Variants in LIMCH1 observed in about 807,000 individuals in gnomAD.
LIMCH1 encodes LIM and calponin homology domains-containing protein 1.
In LIMCH1, 113 loss-of-function variants were observed where a neutral mutation model predicts 176.5. The observed-to-expected ratio is 0.64, with a 90% CI of 0.55 to 0.75. The LOEUF (loss-of-function observed/expected upper bound fraction) is 0.75. LIMCH1 is among the 30% of genes least tolerant of loss of function. The pLI, the probability that LIMCH1 is intolerant of heterozygous loss-of-function variation, is 0.00. For synonymous variants in LIMCH1, 619 were observed against 645.9 expected (o/e 0.96, Z 0.63); for missense variants, 1,674 against 1,814.9 (o/e 0.92, Z 1.41).
At chr4:41,472,166 T>C (rs943230956) in intron 1 of LIMCH1, among the ~76,000 whole-genome samples, 2 of 152,240 alleles carry the variant, frequency 1.3e-5, no homozygotes, top group African/African-American at 4.8e-5. Flanking sequence ...TTTGCTTAAA[T>C]ATTAGCTCTT....
intron 1 of LIMCH1, among the ~76,000 whole-genome samples, chr4:41,393,561 T>G (rs974047926): frequency 1.3e-5 from 2 of 152,226 alleles, no homozygotes; most frequent in Non-Finnish European, 2.9e-5. Flanking sequence ...GTATAGCTAG[T>G]TAGTCCCATG....
intron 1 of LIMCH1, among the ~76,000 whole-genome samples, chr4:41,404,520 G>A (rs1320697611): frequency 1.3e-5 from 2 of 152,116 alleles, no homozygotes; most frequent in African/African-American, 2.4e-5. Context: ...GCTCACGCTT[G>A]TAATCCTAGC....
At chr4:41,508,088 T>TG (rs1165290257) in intron 2 of LIMCH1, among the ~76,000 whole-genome samples, 7 of 152,114 alleles carry the variant, frequency 4.6e-5, no homozygotes, top group Non-Finnish European at 7.4e-5. Context: ...CTCTGTGTCT[T>TG]GGAGGAATTG....
Position 41,632,821 on chromosome 4 carries a change from AGAGTGG to A in LIMCH1, c.1676_1681del (p.Glu559_Trp560del). On this transcript the variant is annotated inframe_deletion, in exon 11 of 32. Transcript: ENST00000503057. ...TGGCTCCTGTGCCGGAGTCTCAGGA[AGAGTGG>A]GTCTGCAGTTTGGGCGAGTGCCCGA... 1 of 1,536,234 alleles carries A rather than the reference AGAGTGG, an allele frequency of 6.5e-7. No homozygotes were observed. The highest frequency in any genetic ancestry group is 8.7e-7 in the Non-Finnish European group (1 of 1,146,902).
intron 18 of LIMCH1, 30 bp from the exon 19 acceptor site, chr4:41,661,390 A>T: frequency 6.8e-7 from 1 of 1,473,302 alleles, no homozygotes; most frequent in Non-Finnish European, 9.4e-7. Flanking sequence ...GGAATCATTT[A>T]TTCAAGGGGG....
intron 20 of LIMCH1, among the ~76,000 whole-genome samples, chr4:41,664,188 C>T (rs533972309): frequency 3.9e-5 from 6 of 152,294 alleles, no homozygotes; most frequent in South Asian, 2.1e-4. Context: ...GAAGACTATC[C>T]GTAGTGGTGT....
chr4:41,623,222 G>A (rs182581295), intron 7 of LIMCH1, among the ~76,000 whole-genome samples: 25 of 152,252 alleles, frequency 1.6e-4, no homozygotes, highest in East Asian at 1.2e-3. Context: ...ATTGAAATAC[G>A]CTGATATCTC....
chr4:41,533,889 G>A (rs1299847785), upstream of LIMCH1, among the ~76,000 whole-genome samples: 2 of 152,206 alleles, frequency 1.3e-5, no homozygotes, highest in African/African-American at 2.4e-5. Context: ...TTATCTGGAA[G>A]TGGCTATCAT....
intron 1 of LIMCH1, among the ~76,000 whole-genome samples, chr4:41,478,092 A>G (rs1430879988): frequency 1.3e-5 from 2 of 152,246 alleles, no homozygotes; most frequent in Admixed American, 6.5e-5. Flanking sequence ...GAGTTGAGCT[A>G]CTGTGCAAGT....
chr4:41,463,908 G>A (rs1472506530), intron 1 of LIMCH1, among the ~76,000 whole-genome samples: 2 of 151,862 alleles, frequency 1.3e-5, no homozygotes, highest in African/African-American at 4.8e-5. Context: ...GTAGGGATGA[G>A]GTCTCACTCT....
intron 1 of LIMCH1, among the ~76,000 whole-genome samples, chr4:41,426,222 C>T (rs2061085615): frequency 1.3e-5 from 2 of 151,466 alleles, no homozygotes; most frequent in South Asian, 4.2e-4. Flanking sequence ...GGGGTTTCAC[C>T]GTTTTAGCCG....
intron 17 of LIMCH1, among the ~76,000 whole-genome samples, chr4:41,648,210 A>G (rs954470893): frequency 4.6e-5 from 7 of 152,204 alleles, no homozygotes; most frequent in Non-Finnish European, 1.0e-4. Flanking sequence ...TAGAGAATAC[A>G]TTTATTTAAC....
At chr4:41,450,061 C>T (rs1220993622) in intron 1 of LIMCH1, among the ~76,000 whole-genome samples, 1 of 152,156 alleles carries the variant, frequency 6.6e-6, no homozygotes, top group Non-Finnish European at 1.5e-5. Context: ...TCTGTAATGA[C>T]CCCATTTCCA....
At chr4:41,391,236 T>C (rs1464510366) in intron 1 of LIMCH1, among the ~76,000 whole-genome samples, 1 of 152,224 alleles carries the variant, frequency 6.6e-6, no homozygotes, top group Non-Finnish European at 1.5e-5. Flanking sequence ...TGCTCTAGTT[T>C]CTTCATTTGT....
chr4:41,552,173 T>C (rs1377064826), intron 1 of LIMCH1, among the ~76,000 whole-genome samples: 1 of 152,186 alleles, frequency 6.6e-6, no homozygotes, highest in African/African-American at 2.4e-5. Flanking sequence ...GCCCCCATTA[T>C]TCAGTTACCT....
chr4:41,590,129 C>T (rs2087235488), intron 1 of LIMCH1, among the ~76,000 whole-genome samples: 1 of 151,936 alleles, frequency 6.6e-6, no homozygotes, highest in East Asian at 1.9e-4. Flanking sequence ...GGGTCTCGCT[C>T]TTGCCCAGGC....
intron 4 of LIMCH1, among the ~76,000 whole-genome samples, chr4:41,609,311 G>A (rs998803997): frequency 2.1e-5 from 3 of 143,242 alleles, no homozygotes; most frequent in Admixed American, 7.0e-5. Flanking sequence ...TGTATTTTTT[G>A]TCTTCTTTAC....
In LIMCH1 at chr4:41,458,547, C is replaced by T. The variant is rs532120683; in HGVS notation, c.97-35989C>T. Reference sequence around the variant, plus strand: ...ATGCCAGCACTTTGGGAGGCAGAGGCGGCCAATCACGAGGTCAAGAGATCA... The same window carrying T: ...ATGCCAGCACTTTGGGAGGCAGAGGTGGCCAATCACGAGGTCAAGAGATCA... On this transcript the variant is annotated intron_variant, in intron 1 of 26. Coordinates refer to the LIMCH1 transcript ENST00000313860. Among the ~76,000 whole-genome samples the T allele has an allele frequency of 8.2e-4, 124 of 151,928 alleles. 1 individual carries two copies. The highest frequency in any genetic ancestry group is 2.8e-3 in the African/African-American group (114 of 41,434).
chr4:41,653,937 T>C (rs1329126042), intron 18 of LIMCH1, among the ~76,000 whole-genome samples: 1 of 152,230 alleles, frequency 6.6e-6, no homozygotes, highest in Non-Finnish European at 1.5e-5. Context: ...TTCAGTTGAA[T>C]CACCTTTATG....
Sources: allele counts gnomAD v4.1 joint callset (sites outside exome capture counted in the v4.1 genomes callset), GRCh38; gene constraint gnomAD v4.1.1; transcripts MANE v1.5; gene names NCBI Gene and HGNC (gene_info 2026-07-23, HGNC 2026-07-21).